COBLL1: variants seen among roughly 807,000 people sequenced by gnomAD.
COBLL1 encodes cordon-bleu protein-like 1.
A neutral mutation model predicts 94.8 loss-of-function variants in COBLL1; 50 were observed. That is an observed-to-expected ratio of 0.53 (90% confidence interval 0.42 to 0.67). The LOEUF is 0.67. Among genes scored for constraint, COBLL1 ranks in the 30% least tolerant of loss-of-function variants. The pLI, the probability that COBLL1 is intolerant of heterozygous loss-of-function variation, is 0.00. For synonymous variants in COBLL1, 448 were observed against 473.8 expected, an observed-to-expected ratio of 0.95 and a Z score of 0.71; for missense variants, 1,362 against 1,348.7, an observed-to-expected ratio of 1.01 and a Z score of -0.15.
intron 2 of COBLL1, among the ~76,000 whole-genome samples, chr2:164,803,980 A>G (rs1343321703): frequency 6.6e-6 from 1 of 152,092 alleles, no homozygotes; most frequent in Non-Finnish European, 1.5e-5. Flanking sequence ...GAAGAGGGCG[A>G]TGAAATTCCT....
At chr2:164,821,755 C>A (rs1158041728) in intron 2 of COBLL1, among the ~76,000 whole-genome samples, 2 of 152,256 alleles carry the variant, frequency 1.3e-5, no homozygotes, top group South Asian at 4.2e-4. Context: ...CCTAGTAGAA[C>A]CTTTTCTAAT....
chr2:164,780,695 TTG>T (rs1688686275), intron 2 of COBLL1, among the ~76,000 whole-genome samples: 1 of 152,196 alleles, frequency 6.6e-6, no homozygotes. Flanking sequence ...CATTCCACTT[TTG>T]TGTGTTTTCA....
rs75841751 is a variant in COBLL1 at position 164,699,628 on chromosome 2, C to T, written c.1461-129G>A. On this transcript the variant is annotated intron_variant, in intron 10 of 13. Transcript: ENST00000652658. ...CCAAAGACAGATGGACTAAAATAAT[C>T]ATTTATTTCTGCCAAACATCGGAAA... The T allele has an allele frequency of 2.8e-3, 1,531 of 539,414 alleles. 17 individuals carry two copies. Among genetic ancestry groups the T allele is most frequent in the African/African-American group, 0.027 (1,399 of 52,390 alleles). 33.4% of individuals were successfully genotyped at this position (539,414 alleles called of 1,614,324 possible).
chr2:164,713,968 T>A (rs902225280), intron 7 of COBLL1, among the ~76,000 whole-genome samples: 6 of 152,108 alleles, frequency 3.9e-5, no homozygotes, highest in Admixed American at 2.6e-4. Flanking sequence ...TTGGGAAATT[T>A]AATTACACAA....
chr2:164,677,643 C>CA (rs1691360778), downstream of COBLL1, among the ~76,000 whole-genome samples: 1 of 152,104 alleles, frequency 6.6e-6, no homozygotes, highest in Non-Finnish European at 1.5e-5. Flanking sequence ...GAGTTGATCT[C>CA]ACTAAGAACC....
At chr2:164,756,059 G>A (rs979327411) in intron 2 of COBLL1, among the ~76,000 whole-genome samples, 3 of 145,444 alleles carry the variant, frequency 2.1e-5, no homozygotes, top group African/African-American at 7.6e-5. Flanking sequence ...GGCAGCATGA[G>A]AGAGAGAGAG....
chr2:164,746,879 C>A (rs910918292), intron 2 of COBLL1, among the ~76,000 whole-genome samples: 3 of 152,116 alleles, frequency 2.0e-5, no homozygotes, highest in Non-Finnish European at 4.4e-5. Flanking sequence ...GACCTTAACA[C>A]CCCCATCTCT....
chr2:164,841,107 G>A lies in COBLL1; in HGVS notation c.41+49C>T. ...AAACGGCCGAGGCCTCGCTGTCCTC[G>A]CCGGCCTCGCCCTCCCCGGTGAGAG... On this transcript the variant is annotated intron_variant, in intron 2 of 13. Coordinates refer to ENST00000652658, the MANE Select transcript of COBLL1 (RefSeq NM_001365672.2). The surrounding 1 kb of genome is among the most constrained non-coding windows in gnomAD (Gnocchi z 5.5). 2 of 1,228,302 alleles carry A rather than the reference G, an allele frequency of 1.6e-6. No homozygotes were observed. The highest frequency in any genetic ancestry group is 2.0e-6 in the Non-Finnish European group (2 of 985,526). 76.1% of individuals were successfully genotyped at this position (1,228,302 alleles called of 1,614,324 possible). A position where few individuals can be genotyped will look rare whatever the true frequency, so the allele number is the denominator to read the frequency against.
At chr2:164,703,062 G>T in intron 9 of COBLL1, 1 of 1,159,798 alleles carries the variant, frequency 8.6e-7, no homozygotes, top group Non-Finnish European at 1.3e-6. Context: ...ATCTTAACCT[G>T]CCTGACACAA....
intron 12 of COBLL1, chr2:164,692,770 A>G (rs1437168897): frequency 6.3e-6 from 1 of 157,882 alleles, no homozygotes; most frequent in African/African-American, 2.4e-5. Flanking sequence ...ACCCATTTTC[A>G]TGGTTTCAAC....
Position 164,841,378 on chromosome 2 carries a change from AC to A in COBLL1, c.-50-133del. The A allele has an allele frequency of 8.5e-7, 1 of 1,180,132 alleles. No homozygotes were observed. Among genetic ancestry groups the A allele is most frequent in the Non-Finnish European group, 1.0e-6 (1 of 955,484 alleles). The allele number at this position is 1,180,132 out of a possible 1,614,324, so 73.1% of individuals were successfully genotyped here. ...CGGCCCGCCTCCCGGGTGCGCTTCC[AC>A]CTGCGGGCCCCGGCTCCCAGCCCGC... On this transcript the variant is annotated intron_variant, in intron 1 of 13. Transcript: ENST00000652658. This position sits in a 1 kb window ranked among gnomAD's most constrained non-coding sequence, Gnocchi z 5.5.
intron 9 of COBLL1, 58 bp from the exon 10 acceptor site, chr2:164,700,814 A>G (rs1684213871): frequency 9.9e-7 from 1 of 1,011,054 alleles, no homozygotes; most frequent in Non-Finnish European, 1.5e-6. Context: ...ATCACATGCA[A>G]TTCTGGCAAG....
chr2:164,831,856 T>A (rs1683094074), intron 2 of COBLL1, among the ~76,000 whole-genome samples: 1 of 152,216 alleles, frequency 6.6e-6, no homozygotes, highest in Non-Finnish European at 1.5e-5. Context: ...TTCCATTTTG[T>A]GTGTAACTTG....
intron 1 of COBLL1, among the ~76,000 whole-genome samples, chr2:164,671,977 T>C (rs1057362611): frequency 6.6e-6 from 1 of 152,214 alleles, no homozygotes; most frequent in Admixed American, 6.5e-5. Context: ...TCTATATCTG[T>C]GCATGAGGCA....
intron 5 of COBLL1, chr2:164,724,658 A>T (rs1685627320): frequency 6.6e-6 from 1 of 152,192 alleles, no homozygotes; most frequent in African/African-American, 2.4e-5. Context: ...GACATAAAAT[A>T]TTGTGTATTA....
intron 3 of COBLL1, among the ~76,000 whole-genome samples, chr2:164,730,557 T>C (rs559588933): frequency 1.3e-5 from 2 of 152,022 alleles, no homozygotes; most frequent in African/African-American, 2.4e-5. Context: ...TCCAAAAAAA[T>C]TGAACTACAA....
At chr2:164,765,829 T>C (rs1254148155) in intron 2 of COBLL1, among the ~76,000 whole-genome samples, 1 of 152,190 alleles carries the variant, frequency 6.6e-6, no homozygotes, top group Admixed American at 6.5e-5. Flanking sequence ...GCTTTTGCCT[T>C]TTCATCTGTA....
At chr2:164,687,624 A>G in intron 13 of COBLL1, 2 of 1,015,538 alleles carry the variant, frequency 2.0e-6, no homozygotes, top group Non-Finnish European at 3.1e-6. Context: ...GGTCAGAGAC[A>G]TGAACATACA....
intron 3 of COBLL1, among the ~76,000 whole-genome samples, chr2:164,742,525 C>T (rs1335570785): frequency 6.6e-6 from 1 of 152,060 alleles, no homozygotes; most frequent in Non-Finnish European, 1.5e-5. Flanking sequence ...CGAGGCCATC[C>T]ACAGCTGCAG....
Sources: gnomAD v4.1 joint callset for allele counts (sites outside exome capture counted in the v4.1 genomes callset) on GRCh38, gnomAD v4.1.1 for gene constraint, Gnocchi (gnomAD v3.1) non-coding constraint, MANE v1.5 for transcripts, NCBI Gene and HGNC (gene_info 2026-07-23, HGNC 2026-07-21) for gene names.